The following DAB1 variants were observed in gnomAD, a reference collection of about 807,000 sequenced individuals.
DAB1 encodes disabled homolog 1.
DAB1 carries 15 observed loss-of-function variants against 64.6 expected under a neutral mutation model. The observed-to-expected ratio is 0.23, with a 90% CI of 0.16 to 0.36. DAB1 has a LOEUF of 0.36. Ranked by LOEUF, DAB1 falls within the 10% of genes least tolerant of loss-of-function variation. DAB1 has a pLI of 1.00. For synonymous variants in DAB1, 235 were observed against 251.9 expected, an observed-to-expected ratio of 0.93 and a Z score of 0.64; for missense variants, 596 against 706.7, an observed-to-expected ratio of 0.84 and a Z score of 1.78.
chr1:57,043,917 C>A (rs1465776657), intron 9 of DAB1, among the ~76,000 whole-genome samples: 22 of 152,140 alleles, frequency 1.4e-4, no homozygotes, highest in Non-Finnish European at 1.5e-5. Flanking sequence ...TCACCACTGC[C>A]TACAAAACCA....
chr1:57,439,428 T>TTTGTTTTTTTTTG lies in DAB1; in HGVS notation n.626-148263_626-148262insCAAAAAAAAACAA, dbSNP rs1558381446. Among the ~76,000 whole-genome samples, 8 of 119,872 alleles carry TTTGTTTTTTTTTG rather than the reference T, an allele frequency of 6.7e-5. No individual in the cohort carries two copies. The East Asian group carries it at 1.3e-3, about 19-fold the overall frequency. 78.6% of individuals were successfully genotyped at this position (119,872 alleles called of 152,430 possible). On this transcript the variant is annotated intron_variant and non_coding_transcript_variant, in intron 7 of 20. Coordinates refer to the DAB1 transcript ENST00000485760. ...CAACTTGGTGATGAGGTTTTTTCTT[T>TTTGTTTTTTTTTG]TTTTTTTTTTTTTTTTTTTGAGACG... is the stretch of plus-strand genomic sequence containing the variant.
At chr1:57,164,243 C>A (rs1013446212) in intron 2 of DAB1, among the ~76,000 whole-genome samples, 6 of 152,164 alleles carry the variant, frequency 3.9e-5, no homozygotes, top group Non-Finnish European at 8.8e-5. Context: ...AAAACCATGG[C>A]TGCTGCTTCT....
intron 11 of DAB1, among the ~76,000 whole-genome samples, chr1:57,017,002 C>A (rs181392262): frequency 2.0e-5 from 3 of 152,242 alleles, no homozygotes; most frequent in Non-Finnish European, 4.4e-5. Flanking sequence ...GTCTGTCCCC[C>A]CAAAGCCAGG....
chr1:57,925,234 C>G (rs1357743301), intron 5 of DAB1, among the ~76,000 whole-genome samples: 2 of 152,192 alleles, frequency 1.3e-5, no homozygotes, highest in Non-Finnish European at 2.9e-5. Context: ...CACTGTCACT[C>G]TCTAACTTTG....
At chr1:58,319,462 G>C (rs1383939911) in intron 4 of DAB1, among the ~76,000 whole-genome samples, 1 of 152,170 alleles carries the variant, frequency 6.6e-6, no homozygotes, top group Admixed American at 6.5e-5. Flanking sequence ...AAAAGTGACA[G>C]GGACAATTTG....
chr1:57,652,348 C>T (rs72910531), intron 6 of DAB1, among the ~76,000 whole-genome samples: 1,620 of 152,242 alleles, frequency 0.011, 32 homozygotes, highest in African/African-American at 0.038. Flanking sequence ...CAATCAGCAG[C>T]AAACACCCAT....
At chr1:57,079,477 G>A (rs1015327540) in intron 4 of DAB1, among the ~76,000 whole-genome samples, 3 of 152,078 alleles carry the variant, frequency 2.0e-5, no homozygotes, top group African/African-American at 7.2e-5. Context: ...ACTTATGCTG[G>A]CCTCTCCTCT....
Position 57,705,874 on chromosome 1 carries a change from GTTT to G in DAB1, n.552-56212_552-56210del, listed in dbSNP as rs11375591. 6.8e-3 allele frequency among the ~76,000 whole-genome samples: 988 copies of G among 144,798 alleles called. 6 individuals are homozygous for G. The highest frequency in any genetic ancestry group is 0.022 in the African/African-American group (878 of 39,624). 95.0% of individuals were successfully genotyped at this position (144,798 alleles called of 152,430 possible). Reference sequence around the variant, plus strand: ...ACTAATGAATCAATACAATACTAGGGTTTTTTTTTTTTTCTTTTTTTACTGCTA... The same window carrying G: ...ACTAATGAATCAATACAATACTAGGGTTTTTTTTTTCTTTTTTTACTGCTA... On this transcript the variant is annotated intron_variant and non_coding_transcript_variant, in intron 6 of 20. Transcript: ENST00000485760.
intron 6 of DAB1, among the ~76,000 whole-genome samples, chr1:57,801,057 A>T (rs1264801507): frequency 6.6e-6 from 1 of 152,144 alleles, no homozygotes; most frequent in Non-Finnish European, 1.5e-5. Context: ...GGATAAGGAG[A>T]TCTCACACAT....
At chr1:57,079,711 A>G (rs1652310532) in intron 4 of DAB1, among the ~76,000 whole-genome samples, 1 of 152,084 alleles carries the variant, frequency 6.6e-6, no homozygotes. Flanking sequence ...CAGTCTCTCA[A>G]ATGCACCACG....
chr1:57,442,937 C>T (rs1686008923), intron 7 of DAB1, among the ~76,000 whole-genome samples: 2 of 152,192 alleles, frequency 1.3e-5, no homozygotes, highest in Non-Finnish European at 2.9e-5. Flanking sequence ...GTCCTACCCA[C>T]CCTTACTTCA....
chr1:57,102,526 T>C (rs1654772810), intron 4 of DAB1, among the ~76,000 whole-genome samples: 1 of 152,236 alleles, frequency 6.6e-6, no homozygotes. Flanking sequence ...ATTATTAAAC[T>C]GAACTCACAG....
chr1:57,623,461 A>T (rs12022839), intron 7 of DAB1, among the ~76,000 whole-genome samples: 68,111 of 152,050 alleles, frequency 0.45, 17,313 homozygotes, highest in East Asian at 0.69. Flanking sequence ...TCTTGTAATA[A>T]CATGAGCACT....
At chr1:57,924,604 C>T (rs1239992541) in intron 5 of DAB1, among the ~76,000 whole-genome samples, 1 of 151,106 alleles carries the variant, frequency 6.6e-6, no homozygotes, top group Non-Finnish European at 1.5e-5. Context: ...GGATTACAGG[C>T]ACCCACCACC....
chr1:57,247,521 C>T (rs559561948), intron 2 of DAB1, among the ~76,000 whole-genome samples: 2 of 152,220 alleles, frequency 1.3e-5, no homozygotes, highest in Admixed American at 6.5e-5. Flanking sequence ...TTTATAGCAG[C>T]GTGAGAACAG....
chr1:57,641,098 C>T (rs187247845), intron 7 of DAB1, among the ~76,000 whole-genome samples: 393 of 152,174 alleles, frequency 2.6e-3, no homozygotes, highest in Non-Finnish European at 4.2e-3. Context: ...ATTTCCTCAT[C>T]CTTAAAACAT....
At chr1:57,401,289 G>A (rs1298215160) in intron 1 of DAB1, among the ~76,000 whole-genome samples, 1 of 151,988 alleles carries the variant, frequency 6.6e-6, no homozygotes, top group Non-Finnish European at 1.5e-5. Flanking sequence ...TTTGTATCTT[G>A]TTTTCTCTTT....
chr1:57,212,128 C>G (rs1197288142), intron 2 of DAB1, among the ~76,000 whole-genome samples: 1 of 152,132 alleles, frequency 6.6e-6, no homozygotes, highest in Admixed American at 6.5e-5. Context: ...TGGTCTGCCT[C>G]CTAAACCTAT....
chr1:58,293,166 GAA>G (rs1197672837), intron 4 of DAB1, among the ~76,000 whole-genome samples: 2 of 152,180 alleles, frequency 1.3e-5, no homozygotes, highest in East Asian at 1.9e-4. Context: ...GTAGGCAAAA[GAA>G]AAAAGTCACC....
Sources: gnomAD v4.1 joint callset for allele counts (sites outside exome capture counted in the v4.1 genomes callset) on GRCh38, gnomAD v4.1.1 for gene constraint, MANE v1.5 for transcripts, NCBI Gene and HGNC (gene_info 2026-07-23, HGNC 2026-07-21) for gene names.